Variants in TEX264 observed in about 807,000 individuals in gnomAD.
TEX264 encodes the protein testis expressed 264, ER-phagy receptor.
A neutral mutation model predicts 23.4 loss-of-function variants in TEX264; 13 were observed. The ratio of observed to expected loss-of-function variants is 0.56; its 90% confidence interval spans 0.36 to 0.88. TEX264 has a LOEUF of 0.88. TEX264 is among the 40% of genes least tolerant of loss of function. The pLI, the probability that TEX264 is intolerant of heterozygous loss-of-function variation, is 0.01. For synonymous variants in TEX264, 159 were observed against 170.0 expected, an observed-to-expected ratio of 0.94 and a Z score of 0.50; for missense variants, 340 against 406.8, an observed-to-expected ratio of 0.84 and a Z score of 1.41.
intron 2 of TEX264, among the ~76,000 whole-genome samples, chr3:51,678,394 G>A (rs780886738): frequency 6.6e-6 from 1 of 152,180 alleles, no homozygotes; most frequent in Non-Finnish European, 1.5e-5. Context: ...TCTACCTCCT[G>A]CCCCACCCTG....
intron 4 of TEX264, 87 bp downstream of exon 4, chr3:51,699,661 C>A: frequency 6.6e-7 from 1 of 1,507,738 alleles, no homozygotes. Flanking sequence ...GCTCCTCCCT[C>A]TCTGGGTTGG....
At chr3:51,692,531 C>G (rs1000223926) in intron 3 of TEX264, among the ~76,000 whole-genome samples, 1 of 152,240 alleles carries the variant, frequency 6.6e-6, no homozygotes, top group Non-Finnish European at 1.5e-5. Context: ...TCCATTCCCA[C>G]TTGCCCACTT....
intron 3 of TEX264, among the ~76,000 whole-genome samples, chr3:51,689,847 C>T (rs1274881107): frequency 6.6e-6 from 1 of 152,156 alleles, no homozygotes; most frequent in Non-Finnish European, 1.5e-5. Flanking sequence ...GCAGGAGCTC[C>T]AAAGAGAGGC....
At position 51,691,215 on chromosome 3, in the gene TEX264, C is replaced by G. The variant is rs1702817191; in HGVS notation, c.480+6581C>G. Among the ~76,000 whole-genome samples the G allele has an allele frequency of 6.6e-6, 1 of 152,194 alleles. No homozygotes were observed. Among genetic ancestry groups the G allele is most frequent in the Non-Finnish European group, 1.5e-5 (1 of 68,034 alleles). Reference sequence around the variant, plus strand: ...TGGGAACTGCTCTGGGCACAGGAAGCAGCTGCTGCAGGCACCTTATCGGGC... The same window carrying G: ...TGGGAACTGCTCTGGGCACAGGAAGGAGCTGCTGCAGGCACCTTATCGGGC... On this transcript the variant is annotated intron_variant, in intron 3 of 4. Coordinates refer to ENST00000341333, the MANE Select transcript of TEX264 (RefSeq NM_015926.6). This position sits in a 1 kb window ranked among gnomAD's most constrained non-coding sequence, Gnocchi z 4.4.
In TEX264 at chr3:51,703,131, G is replaced by C. The variant is rs1703374669; in HGVS notation, c.650-593G>C. 6.6e-6 allele frequency among the ~76,000 whole-genome samples: 1 copy of C among 152,198 alleles called. No homozygotes were observed. Among genetic ancestry groups the C allele is most frequent in the African/African-American group, 2.4e-5 (1 of 41,450 alleles). Reference sequence around the variant, plus strand: ...CCTTCTCCATCCTCCTCGTACTTCAGCTCCCTCCTCAACTGGGACTTGGTG... The same window carrying C: ...CCTTCTCCATCCTCCTCGTACTTCACCTCCCTCCTCAACTGGGACTTGGTG... On this transcript the variant is annotated intron_variant, in intron 4 of 4. Transcript: ENST00000341333. This position sits in a 1 kb window ranked among gnomAD's most constrained non-coding sequence, Gnocchi z 4.8.
chr3:51,671,319 C>T (rs1465816061), intron 1 of TEX264, 31 bp downstream of exon 1: 2 of 152,258 alleles, frequency 1.3e-5, no homozygotes, highest in Non-Finnish European at 2.9e-5. Flanking sequence ...GAGGCATACC[C>T]ACTGGGGCGT....
In TEX264 at chr3:51,695,810, C is replaced by T. The variant is rs530156678; in HGVS notation, c.481-3596C>T. ...CTGCTCCTTCCCTTTTTTGCCAACA[C>T]TCCTGAGTGAGTAAGCAGGTGTTGG... On this transcript the variant is annotated intron_variant, in intron 3 of 4. Transcript: ENST00000341333. Among the ~76,000 whole-genome samples the T allele has an allele frequency of 3.9e-5, 6 of 152,250 alleles. No individual in the cohort carries two copies. In the East Asian group the frequency reaches 1.2e-3, roughly 29 times the overall value.
In TEX264 at chr3:51,686,140, A is replaced by G. The variant is rs1477780687; in HGVS notation, c.480+1506A>G. Among the ~76,000 whole-genome samples the G allele has an allele frequency of 1.3e-5, 2 of 152,132 alleles. No homozygotes were observed. The highest frequency in any genetic ancestry group is 2.9e-5 in the Non-Finnish European group (2 of 68,028). ...TGGTATGTGTGGCCTGGAGTTGAGG[A>G]AAGGCTGGGCTGGTGGATATATTTG... On this transcript the variant is annotated intron_variant, in intron 3 of 4. Coordinates refer to ENST00000341333, the MANE Select transcript of TEX264 (RefSeq NM_015926.6). This position sits in a 1 kb window ranked among gnomAD's most constrained non-coding sequence, Gnocchi z 4.1.
intron 2 of TEX264, among the ~76,000 whole-genome samples, chr3:51,679,181 C>T (rs921117687): frequency 6.6e-6 from 1 of 152,184 alleles, no homozygotes; most frequent in South Asian, 2.1e-4. Context: ...GTCACTTGGC[C>T]TGTCTGAGTA....
chr3:51,704,097 C>T lies in TEX264; in HGVS notation c.*81C>T. On this transcript the variant is annotated 3_prime_UTR_variant, in exon 5 of 5. Coordinates refer to ENST00000341333, the MANE Select transcript of TEX264 (RefSeq NM_015926.6). Reference sequence around the variant, plus strand: ...AGCAGACTCTCCAGCCCTCTTCCTCCTTCCTCTGGGGGAGGAGGGGTTCCT... The same window carrying T: ...AGCAGACTCTCCAGCCCTCTTCCTCTTTCCTCTGGGGGAGGAGGGGTTCCT... 7.9e-7 allele frequency: 1 copy of T among 1,260,870 alleles called. No individual in the cohort carries two copies. The highest frequency in any genetic ancestry group is 1.0e-6 in the Non-Finnish European group (1 of 985,564). The allele number at this position is 1,260,870 out of a possible 1,614,324, so 78.1% of individuals were successfully genotyped here. A position where few individuals can be genotyped will look rare whatever the true frequency, so the allele number is the denominator to read the frequency against.
chr3:51,704,231 A>G lies in TEX264; in HGVS notation c.*215A>G. The G allele has an allele frequency of 2.4e-6, 1 of 410,502 alleles. No homozygotes were observed. Among genetic ancestry groups the G allele is most frequent in the Non-Finnish European group, 4.2e-6 (1 of 237,576 alleles). The allele number at this position is 410,502 out of a possible 1,614,324, so 25.4% of individuals were successfully genotyped here. A position where few individuals can be genotyped will look rare whatever the true frequency, so the allele number is the denominator to read the frequency against. Reference sequence around the variant, plus strand: ...GGGACTATTTTCTGCACCAGCCCCCAGGGCTGCCACCCCTGTTGTGTCTTT... The same window carrying G: ...GGGACTATTTTCTGCACCAGCCCCCGGGGCTGCCACCCCTGTTGTGTCTTT... On this transcript the variant is annotated 3_prime_UTR_variant, in exon 5 of 5. Transcript: ENST00000341333.
chr3:51,675,009 A>G (rs1317675134), intron 2 of TEX264, among the ~76,000 whole-genome samples: 1 of 152,126 alleles, frequency 6.6e-6, no homozygotes, highest in Non-Finnish European at 1.5e-5. Flanking sequence ...CCATAGTTGT[A>G]GGCCCTTGAG....
chr3:51,692,580 C>G (rs773347483), intron 3 of TEX264, among the ~76,000 whole-genome samples: 4 of 152,230 alleles, frequency 2.6e-5, no homozygotes, highest in Non-Finnish European at 5.9e-5. Context: ...CTCTGGCTCT[C>G]AGGTGCTTGG....
chr3:51,699,443 AC>A lies in TEX264; in HGVS notation c.520del (p.Gln174ArgfsTer22). 6.2e-7 allele frequency: 1 copy of A among 1,614,052 alleles called. No homozygotes were observed. The highest frequency in any genetic ancestry group is 8.5e-7 in the Non-Finnish European group (1 of 1,179,926). ...KLCAYPRLEI[Y>X]QEDQIHFMCP... ...TGTGCCTATCCTCGGCTGGAGATCTACCAGGAAGACCAGATCCATTTCATGT... is the reference window on the plus strand; with the variant it reads ...TGTGCCTATCCTCGGCTGGAGATCTACAGGAAGACCAGATCCATTTCATGT... On this transcript the variant is annotated frameshift_variant, in exon 4 of 5. Transcript: ENST00000341333. LOFTEE classifies it high-confidence loss of function.
intron 4 of TEX264, among the ~76,000 whole-genome samples, chr3:51,700,948 T>C (rs897819531): frequency 6.6e-6 from 1 of 152,120 alleles, no homozygotes; most frequent in Admixed American, 6.5e-5. Context: ...TGGTGGTGGG[T>C]GCATGCAGGA....
Position 51,703,928 on chromosome 3 carries a change from G to T in TEX264, c.854G>T (p.Gly285Val), listed in dbSNP as rs749729109. 6.2e-7 allele frequency: 1 copy of T among 1,606,022 alleles called. No homozygotes were observed. The highest frequency in any genetic ancestry group is 1.7e-5 in the Admixed American group (1 of 59,760). Residue 285 changes from glycine (G) to valine (V), a missense_variant, in exon 5 of 5, where the codon GGG becomes GTG. By Grantham distance (109) the Gly-to-Val change is moderately radical. Transcript: ENST00000341333. The surrounding 1 kb of genome is among the most constrained non-coding windows in gnomAD (Gnocchi z 4.8). Reference protein sequence around the residue: ...ELDLEGEGPLGESRLDPGTEP... With the variant: ...ELDLEGEGPLVESRLDPGTEP... Reference sequence around the variant, plus strand: ...GACTTGGAGGGCGAGGGGCCCTTAGGGGAGTCACGGCTGGACCCTGGGACT... The same window carrying T: ...GACTTGGAGGGCGAGGGGCCCTTAGTGGAGTCACGGCTGGACCCTGGGACT...
At chr3:51,672,658 G>T (rs980184142) in intron 1 of TEX264, among the ~76,000 whole-genome samples, 1 of 152,180 alleles carries the variant, frequency 6.6e-6, no homozygotes, top group Admixed American at 6.5e-5. Flanking sequence ...GAAATGAGGG[G>T]CTGGAATCAG....
At chr3:51,693,412 G>C (rs1053854408) in intron 3 of TEX264, among the ~76,000 whole-genome samples, 1 of 151,212 alleles carries the variant, frequency 6.6e-6, no homozygotes, top group East Asian at 1.9e-4. Context: ...TCAGCCGGTG[G>C]CTCCCAGGCT....
At chr3:51,679,498 C>T (rs1369572523) in intron 2 of TEX264, among the ~76,000 whole-genome samples, 1 of 152,186 alleles carries the variant, frequency 6.6e-6, no homozygotes, top group Non-Finnish European at 1.5e-5. Flanking sequence ...CTCCTGGATG[C>T]CCCTGGGTTG....
Sources: allele counts gnomAD v4.1 joint callset (sites outside exome capture counted in the v4.1 genomes callset), GRCh38; gene constraint gnomAD v4.1.1; non-coding constraint Gnocchi (gnomAD v3.1); transcripts MANE v1.5; gene names NCBI Gene and HGNC (gene_info 2026-07-23, HGNC 2026-07-21).